Variants in NRXN3 observed in about 807,000 individuals in gnomAD.
The protein encoded by NRXN3 is neurexin 3, also known as neurexin III.
Under a neutral mutation model 137.6 loss-of-function variants are expected in NRXN3, and 32 were observed. That is an observed-to-expected ratio of 0.23 (90% confidence interval 0.18 to 0.31). The LOEUF (loss-of-function observed/expected upper bound fraction) is 0.31. NRXN3 is among the 10% of genes least tolerant of loss of function. The pLI, the probability that NRXN3 is intolerant of heterozygous loss-of-function variation, is 1.00. For missense variants in NRXN3, 1,574 were observed against 2,062.5 expected (o/e 0.76, Z 4.59); for synonymous variants, 798 against 784.5 (o/e 1.02, Z -0.29).
intron 19 of NRXN3, among the ~76,000 whole-genome samples, chr14:79,779,170 A>G (rs1289104835): frequency 6.6e-6 from 1 of 152,142 alleles, no homozygotes; most frequent in Non-Finnish European, 1.5e-5. Context: ...CTAGAGTGCA[A>G]TGGCTCAATC....
intron 4 of NRXN3, among the ~76,000 whole-genome samples, chr14:78,613,461 C>A (rs989812523): frequency 1.3e-5 from 2 of 151,930 alleles, no homozygotes; most frequent in Middle Eastern, 3.4e-3. Context: ...AATAATAAGC[C>A]CTTTATCTAG....
chr14:79,625,092 C>T (rs1420264509), intron 16 of NRXN3, among the ~76,000 whole-genome samples: 1 of 152,152 alleles, frequency 6.6e-6, no homozygotes, highest in Non-Finnish European at 1.5e-5. Flanking sequence ...GCCACTGCTC[C>T]TGGCCTCTAC....
chr14:79,715,690 A>G (rs1406688925), intron 19 of NRXN3, among the ~76,000 whole-genome samples: 1 of 152,236 alleles, frequency 6.6e-6, no homozygotes, highest in Non-Finnish European at 1.5e-5. Flanking sequence ...CCAATTTTAC[A>G]CATAATTATT....
chr14:79,564,741 G>C (rs921179335), intron 16 of NRXN3, among the ~76,000 whole-genome samples: 1 of 151,950 alleles, frequency 6.6e-6, no homozygotes, highest in South Asian at 2.1e-4. Context: ...CTAATAACCA[G>C]GTATTTTTAT....
chr14:79,011,974 G>A (rs1413182823), intron 15 of NRXN3, among the ~76,000 whole-genome samples: 1 of 152,186 alleles, frequency 6.6e-6, no homozygotes, highest in East Asian at 1.9e-4. Context: ...ACACTGATTT[G>A]ACTCATTCCA....
intron 15 of NRXN3, among the ~76,000 whole-genome samples, chr14:79,234,282 A>C (rs2072803012): frequency 1.8e-5 from 2 of 108,252 alleles, no homozygotes; most frequent in Non-Finnish European, 3.7e-5. Context: ...CAGGGAACAT[A>C]TTCAATGGTA....
chr14:79,548,747 T>TA (rs35900297), intron 16 of NRXN3, among the ~76,000 whole-genome samples: 1,739 of 141,892 alleles, frequency 0.012, 35 homozygotes, highest in African/African-American at 0.042. Context: ...ATTTAAAGAT[T>TA]AAAAAAAAAA....
chr14:78,386,396 C>G (rs1360859562), intron 4 of NRXN3, among the ~76,000 whole-genome samples: 1 of 151,930 alleles, frequency 6.6e-6, no homozygotes, highest in Non-Finnish European at 1.5e-5. Flanking sequence ...TTTATTGTAC[C>G]CCTGTGATGA....
intron 10 of NRXN3, among the ~76,000 whole-genome samples, chr14:78,895,092 AGCT>A (rs2099169641): frequency 1.3e-5 from 2 of 151,782 alleles, no homozygotes; most frequent in African/African-American, 4.8e-5. Flanking sequence ...TAAAGTCACC[AGCT>A]GCCTTAGCCC....
intron 15 of NRXN3, among the ~76,000 whole-genome samples, chr14:79,277,987 T>C (rs969272352): frequency 6.6e-6 from 1 of 152,204 alleles, no homozygotes; most frequent in African/African-American, 2.4e-5. Context: ...ACCTGTAGGT[T>C]TGGTCTTTTT....
At chr14:78,654,226 T>TCAGCTAC (rs2097768583) in intron 6 of NRXN3, among the ~76,000 whole-genome samples, 1 of 152,262 alleles carries the variant, frequency 6.6e-6, no homozygotes, top group South Asian at 2.1e-4. Context: ...ATGTTAGGAT[T>TCAGCTAC]CAGCTACCTG....
rs191034399 is a variant in NRXN3 at position 79,388,610 on chromosome 14, G to C, written c.3263-78611G>C. 2.0e-5 allele frequency among the ~76,000 whole-genome samples: 3 copies of C among 152,058 alleles called. No homozygotes were observed. In the East Asian group the frequency reaches 5.8e-4, roughly 29 times the overall value. On this transcript the variant is annotated intron_variant, in intron 15 of 20. Coordinates refer to ENST00000335750, the MANE Select transcript of NRXN3 (RefSeq NM_001330195.2). ...CATGACAGGCAGGCTCACAGCCCTCGACTCATGCTAGATCTCGGTTCATTC... is the reference window on the plus strand; with the variant it reads ...CATGACAGGCAGGCTCACAGCCCTCCACTCATGCTAGATCTCGGTTCATTC...
intron 8 of NRXN3, among the ~76,000 whole-genome samples, chr14:78,724,613 G>A (rs1567154408): frequency 1.3e-5 from 2 of 152,114 alleles, no homozygotes; most frequent in African/African-American, 4.8e-5. Context: ...AAATATACAT[G>A]CATCTGTGCA....
At chr14:79,118,162 A>G (rs1177452349) in intron 15 of NRXN3, among the ~76,000 whole-genome samples, 1 of 152,142 alleles carries the variant, frequency 6.6e-6, no homozygotes, top group Non-Finnish European at 1.5e-5. Flanking sequence ...AGGGAAAAAA[A>G]AAAAAAAAAG....
chr14:79,247,243 A>G (rs1409006277), intron 15 of NRXN3: 1 of 152,210 alleles, frequency 6.6e-6, no homozygotes, highest in Non-Finnish European at 1.5e-5. Context: ...CTTTATCCCA[A>G]TGGAAGATGC....
In NRXN3 at chr14:79,867,765, A is replaced by G. The variant is rs1358948882; in HGVS notation, c.*5801A>G. 3 of 152,222 alleles carry G rather than the reference A, an allele frequency of 2.0e-5. No homozygotes were observed. Among genetic ancestry groups the G allele is most frequent in the African/African-American group, 7.2e-5 (3 of 41,422 alleles). 9.4% of individuals were successfully genotyped at this position (152,222 alleles called of 1,614,324 possible). On this transcript the variant is annotated 3_prime_UTR_variant, in exon 21 of 21. Coordinates refer to ENST00000335750, the MANE Select transcript of NRXN3 (RefSeq NM_001330195.2). The stretch of plus-strand genomic sequence containing the variant: ...CTTTTTGAAGTGGTTACATGGCCCA[A>G]GTAGAAGAGCAAATAATTCCAAGAG...
At chr14:78,297,974 G>T in intron 4 of NRXN3, 114 bp downstream of exon 4, 10 of 1,277,722 alleles carry the variant, frequency 7.8e-6, no homozygotes, top group Non-Finnish European at 1.1e-5. Context: ...TGTCCTTCCT[G>T]CGCTGGGCCA....
chr14:79,576,094 T>G (rs2097662438), intron 16 of NRXN3, among the ~76,000 whole-genome samples: 1 of 152,208 alleles, frequency 6.6e-6, no homozygotes, highest in East Asian at 1.9e-4. Flanking sequence ...CTCTGGCTGT[T>G]GGGATGGCGT....
intron 17 of NRXN3, among the ~76,000 whole-genome samples, chr14:79,680,833 C>G (rs982356017): frequency 1.3e-5 from 2 of 152,114 alleles, no homozygotes; most frequent in Non-Finnish European, 2.9e-5. Context: ...TTCCTCTCCA[C>G]TCCTCATCCA....
Sources: gnomAD v4.1 joint callset for allele counts (sites outside exome capture counted in the v4.1 genomes callset) on GRCh38, gnomAD v4.1.1 for gene constraint, MANE v1.5 for transcripts, NCBI Gene and HGNC (gene_info 2026-07-23, HGNC 2026-07-21) for gene names.